USP44: variants seen among roughly 807,000 people sequenced by gnomAD.
USP44 encodes the protein ubiquitin specific peptidase 44, also known as ubiquitin carboxyl-terminal hydrolase 44.
Under a neutral mutation model 69.0 loss-of-function variants are expected in USP44, and 61 were observed. The ratio of observed to expected loss-of-function variants is 0.88; its 90% CI spans 0.72 to 1.09. The LOEUF is 1.09. Among genes scored for constraint, USP44 ranks in the 50% least tolerant of loss-of-function variants. USP44 has a pLI of 0.00. For synonymous variants in USP44, 297 were observed against 295.4 expected, an observed-to-expected ratio of 1.01 and a Z score of -0.06; for missense variants, 753 against 849.9, an observed-to-expected ratio of 0.89 and a Z score of 1.42.
At chr12:95,539,462 G>A (rs905013995) in intron 1 of USP44, among the ~76,000 whole-genome samples, 1 of 152,082 alleles carries the variant, frequency 6.6e-6, no homozygotes, top group African/African-American at 2.4e-5. Context: ...TCCTGACCTT[G>A]TGATCTGCCC....
chr12:95,539,653 C>T (rs2077326131), intron 1 of USP44, among the ~76,000 whole-genome samples: 1 of 152,178 alleles, frequency 6.6e-6, no homozygotes, highest in South Asian at 2.1e-4. Flanking sequence ...TTAATTTGTT[C>T]AAACAAAGCC....
At chr12:95,518,736 T>TA (rs1441559771) in intron 5 of USP44, among the ~76,000 whole-genome samples, 1 of 152,094 alleles carries the variant, frequency 6.6e-6, no homozygotes, top group African/African-American at 2.4e-5. Context: ...GGCCAGGAGT[T>TA]AGAGACCAGC....
Position 95,548,965 on chromosome 12 carries a change from G to A in USP44, c.-71+2307C>T, listed in dbSNP as rs959092030. Reference sequence around the variant, plus strand: ...CCGGTGGCCGCCTTCCGCGCCTCGTGGGGGGGTCGGGGCCACGGACGGTCC... The same window carrying A: ...CCGGTGGCCGCCTTCCGCGCCTCGTAGGGGGGTCGGGGCCACGGACGGTCC... On this transcript the variant is annotated intron_variant, in intron 1 of 5. Coordinates refer to ENST00000258499, the MANE Select transcript of USP44 (RefSeq NM_032147.5). This position sits in a 1 kb window ranked among gnomAD's most constrained non-coding sequence, Gnocchi z 4.1. The A allele has an allele frequency of 6.6e-6, 1 of 151,864 alleles. No individual in the cohort carries two copies. The highest frequency in any genetic ancestry group is 1.5e-5 in the Non-Finnish European group (1 of 67,984). 9.4% of individuals were successfully genotyped at this position (151,864 alleles called of 1,614,324 possible).
chr12:95,543,406 CAAAAAAAAAAAA>C lies in USP44; in HGVS notation c.-71+7854_-71+7865del, dbSNP rs60127958. On this transcript the variant is annotated intron_variant, in intron 1 of 5. Transcript: ENST00000258499. The stretch of plus-strand genomic sequence containing the variant: ...TGGGAGACAGAGTAAGACTCTTTCT[CAAAAAAAAAAAA>C]AAAAAAAAAAGAAAAAGAAAAAGAA... Among the ~76,000 whole-genome samples, 168 of 43,178 alleles carry C rather than the reference CAAAAAAAAAAAA, an allele frequency of 3.9e-3. 1 individual carries two copies. Among genetic ancestry groups the C allele is most frequent in the African/African-American group, 0.014 (162 of 11,680 alleles). The allele number at this position is 43,178 out of a possible 152,430, so 28.3% of individuals were successfully genotyped here.
chr12:95,550,579 A>G (rs1486063797), intron 1 of USP44, among the ~76,000 whole-genome samples: 4 of 152,204 alleles, frequency 2.6e-5, no homozygotes, highest in African/African-American at 4.8e-5. Context: ...CTGGCATGCA[A>G]TATGGTTTTT....
chr12:95,525,263 G>T (rs1312067965), intron 3 of USP44, among the ~76,000 whole-genome samples: 1 of 151,998 alleles, frequency 6.6e-6, no homozygotes, highest in East Asian at 1.9e-4. Flanking sequence ...GTAGAGACGG[G>T]GTTTCACTAT....
chr12:95,533,214 C>T lies in USP44; in HGVS notation c.1043G>A (p.Arg348Lys), dbSNP rs745644337. ...QEKDTGFVCS[R>K]QSSLSSGLSG... ...TAGTCCTGATGACAGACTTGATTGT[C>T]TGGAGCAAACAAAACCTGTATCTTT... The change falls in exon 2 of 6, where the codon AGA becomes AAA. Residue 348 changes from arginine to lysine, a missense_variant. Coordinates refer to ENST00000258499, the MANE Select transcript of USP44 (RefSeq NM_032147.5). 1.1e-5 allele frequency: 18 copies of T among 1,613,986 alleles called. No individual in the cohort carries two copies. The highest frequency in any genetic ancestry group is 1.5e-5 in the Non-Finnish European group (18 of 1,179,994).
chr12:95,534,378 T>A (rs1178391826), intron 1 of USP44, 52 bp from the exon 2 acceptor site: 10 of 978,312 alleles, frequency 1.0e-5, no homozygotes, highest in Middle Eastern at 2.3e-4. Context: ...ATTTTTCATA[T>A]TTTTTCCCAA....
At chr12:95,524,205 T>C (rs300999) in intron 4 of USP44, among the ~76,000 whole-genome samples, 96,930 of 151,688 alleles carry the variant, frequency 0.64, 32,091 homozygotes, top group African/African-American at 0.81. Flanking sequence ...CTCAGCCTCC[T>C]GAGCAGCTAG....
chr12:95,521,631 G>A (rs979747975), intron 4 of USP44, among the ~76,000 whole-genome samples: 3 of 152,086 alleles, frequency 2.0e-5, no homozygotes, highest in Non-Finnish European at 4.4e-5. Context: ...CTGCAGCTGT[G>A]TGCCATCATG....
intron 2 of USP44, among the ~76,000 whole-genome samples, chr12:95,529,641 G>A (rs2076958552): frequency 6.6e-6 from 1 of 152,058 alleles, no homozygotes; most frequent in Admixed American, 6.6e-5. Context: ...GGATGGTCTT[G>A]AACTCCTGAC....
intron 5 of USP44, among the ~76,000 whole-genome samples, chr12:95,519,838 A>G (rs1397813171): frequency 6.6e-6 from 1 of 150,884 alleles, no homozygotes; most frequent in African/African-American, 2.4e-5. Flanking sequence ...CCAGGAGTTC[A>G]AGACCAGCCT....
Position 95,517,963 on chromosome 12 carries a change from A to AAAT in USP44, c.*188_*190dup. 1.9e-6 allele frequency: 1 copy of AAAT among 517,718 alleles called. No individual in the cohort carries two copies. 32.1% of individuals were successfully genotyped at this position (517,718 alleles called of 1,614,324 possible). On this transcript the variant is annotated 3_prime_UTR_variant, in exon 6 of 6. Transcript: ENST00000258499. Reference sequence around the variant, plus strand: ...GTAAACACCAAAAGTTTAAAACTCCAAATATGAAAAAAGTAGTTACCTTCA... The same window carrying AAAT: ...GTAAACACCAAAAGTTTAAAACTCCAAATAATATGAAAAAAGTAGTTACCTTCA...
At chr12:95,531,215 A>G (rs2077011704) in intron 2 of USP44, among the ~76,000 whole-genome samples, 1 of 152,088 alleles carries the variant, frequency 6.6e-6, no homozygotes, top group Non-Finnish European at 1.5e-5. Flanking sequence ...AATAGCAGAC[A>G]TATACCAAAA....
At chr12:95,518,800 G>A (rs561015308) in intron 5 of USP44, among the ~76,000 whole-genome samples, 2 of 152,190 alleles carry the variant, frequency 1.3e-5, no homozygotes, top group East Asian at 3.9e-4. Flanking sequence ...TTCGCCAGGC[G>A]TGGTGGTGCA....
chr12:95,543,406 CAAAAAAAAAAAAAA>C (rs60127958), intron 1 of USP44, among the ~76,000 whole-genome samples: 1 of 43,164 alleles, frequency 2.3e-5, no homozygotes. Flanking sequence ...GACTCTTTCT[CAAAAAAAAAAAAAA>C]AAAAAAAAGA....
At chr12:95,537,001 A>G (rs1051988291) in intron 1 of USP44, among the ~76,000 whole-genome samples, 1 of 152,200 alleles carries the variant, frequency 6.6e-6, no homozygotes, top group Non-Finnish European at 1.5e-5. Flanking sequence ...AGAAATCTGT[A>G]GAGGAGAATG....
intron 1 of USP44, among the ~76,000 whole-genome samples, chr12:95,549,381 A>G (rs1000436749): frequency 6.6e-6 from 1 of 152,210 alleles, no homozygotes; most frequent in Non-Finnish European, 1.5e-5. Context: ...ACCGCTATCT[A>G]GAACTGCCTA....
chr12:95,521,049 C>A lies in USP44; in HGVS notation c.1887G>T (p.Gly629=), dbSNP rs767620617. 1 of 1,614,178 alleles carries A rather than the reference C, an allele frequency of 6.2e-7. No individual in the cohort carries two copies. The highest frequency in any genetic ancestry group is 1.1e-5 in the South Asian group (1 of 91,072). ...TGTAGTGCCCTGAGCCAAATCCTTT[C>A]CCATGGTGCATCACCACCGCGGACA... ...YDLSAVVMHH[G]KGFGSGHYTA... Residue 629 remains glycine (G), a synonymous_variant, in exon 5 of 6, where the codon GGG becomes GGT. Coordinates refer to ENST00000258499, the MANE Select transcript of USP44 (RefSeq NM_032147.5).
Sources: gnomAD v4.1 joint callset for allele counts (sites outside exome capture counted in the v4.1 genomes callset) on GRCh38, gnomAD v4.1.1 for gene constraint, Gnocchi (gnomAD v3.1) non-coding constraint, MANE v1.5 for transcripts, NCBI Gene and HGNC (gene_info 2026-07-23, HGNC 2026-07-21) for gene names.